Variants in NCOA1 observed in about 807,000 individuals in gnomAD.
NCOA1 encodes nuclear receptor coactivator 1.
In NCOA1, 35 loss-of-function variants were observed where a neutral mutation model predicts 150.9. The ratio of observed to expected loss-of-function variants is 0.23; its 90% CI spans 0.18 to 0.31. NCOA1 has a LOEUF of 0.31. Among genes scored for constraint, NCOA1 ranks in the 10% least tolerant of loss-of-function variants. The pLI, the probability that NCOA1 is intolerant of heterozygous loss-of-function variation, is 1.00. For missense variants in NCOA1, 1,491 were observed against 1,749.3 expected (o/e 0.85, Z 2.63); for synonymous variants, 590 against 630.0 (o/e 0.94, Z 0.95).
At chr2:24,700,666 A>G (rs1673115428) in intron 11 of NCOA1, among the ~76,000 whole-genome samples, 1 of 152,196 alleles carries the variant, frequency 6.6e-6, no homozygotes, top group Non-Finnish European at 1.5e-5. Context: ...AGATCCATGC[A>G]AGTGTGTATA....
At chr2:24,565,951 G>T (rs1487777778) in intron 2 of NCOA1, among the ~76,000 whole-genome samples, 1 of 152,206 alleles carries the variant, frequency 6.6e-6, no homozygotes, top group Non-Finnish European at 1.5e-5. Context: ...CAAAGAGGGT[G>T]TCACTGCCCT....
chr2:24,690,014 G>A (rs1672588995), intron 8 of NCOA1, among the ~76,000 whole-genome samples: 1 of 152,162 alleles, frequency 6.6e-6, no homozygotes, highest in Non-Finnish European at 1.5e-5. Context: ...TTTGAAAATA[G>A]TCATATATGT....
intron 1 of NCOA1, among the ~76,000 whole-genome samples, chr2:24,519,071 CTTA>C (rs960300903): frequency 2.0e-5 from 3 of 152,144 alleles, no homozygotes; most frequent in Non-Finnish European, 2.9e-5. Flanking sequence ...ATCTTCAAGT[CTTA>C]TTATAAAACT....
chr2:24,555,462 A>G (rs975046753), intron 1 of NCOA1, among the ~76,000 whole-genome samples: 25 of 152,268 alleles, frequency 1.6e-4, no homozygotes, highest in African/African-American at 4.8e-4. Flanking sequence ...GTAAATGTCC[A>G]GTTTGATCAA....
At chr2:24,541,416 A>G (rs1159379504) in intron 1 of NCOA1, among the ~76,000 whole-genome samples, 1 of 152,230 alleles carries the variant, frequency 6.6e-6, no homozygotes, top group Non-Finnish European at 1.5e-5. Context: ...AGAGATGACC[A>G]AAACAGGAAC....
chr2:24,574,791 C>G (rs867913483), intron 2 of NCOA1, among the ~76,000 whole-genome samples: 1 of 152,116 alleles, frequency 6.6e-6, no homozygotes, highest in Admixed American at 6.5e-5. Context: ...AGGTTCCCCC[C>G]CTTCCAATCT....
At chr2:24,720,979 C>T (rs887145477) in intron 14 of NCOA1, among the ~76,000 whole-genome samples, 1 of 152,182 alleles carries the variant, frequency 6.6e-6, no homozygotes, top group African/African-American at 2.4e-5. Context: ...TATCATCCTC[C>T]TTCACCACCT....
At chr2:24,732,462 A>G (rs1663066703) in intron 17 of NCOA1, among the ~76,000 whole-genome samples, 1 of 152,190 alleles carries the variant, frequency 6.6e-6, no homozygotes, top group South Asian at 2.1e-4. Context: ...CTTTTAAGCC[A>G]TAAGTTCTTA....
In NCOA1 at chr2:24,718,233, G is replaced by A. The variant is rs1038188641; in HGVS notation, c.2599+7122G>A. 2.6e-4 allele frequency among the ~76,000 whole-genome samples: 39 copies of A among 152,062 alleles called. 1 individual carries two copies. The highest frequency in any genetic ancestry group is 2.5e-3 in the Admixed American group (38 of 15,270). Reference sequence around the variant, plus strand: ...TAACATCTTTAATCATCAAGGAAATGCAAATTAAAACTACAGTGCAATACC... The same window carrying A: ...TAACATCTTTAATCATCAAGGAAATACAAATTAAAACTACAGTGCAATACC... On this transcript the variant is annotated intron_variant, in intron 14 of 22. Coordinates refer to ENST00000348332, the MANE Select transcript of NCOA1 (RefSeq NM_003743.5).
At chr2:24,638,415 C>G (rs1329076084) in intron 3 of NCOA1, among the ~76,000 whole-genome samples, 2 of 152,062 alleles carry the variant, frequency 1.3e-5, no homozygotes, top group Admixed American at 6.6e-5. Context: ...CATATCTTAA[C>G]TATTGTAAAT....
At position 24,637,028 on chromosome 2, in the gene NCOA1, C is replaced by T. The variant is rs963980881; in HGVS notation, c.-174-6938C>T. ...TCAGGATAATTATTAATAGCGTATC[C>T]CTCATCTCACACATTTATCATTTCT... is the stretch of plus-strand genomic sequence containing the variant. On this transcript the variant is annotated intron_variant, in intron 3 of 22. Transcript: ENST00000348332. Among the ~76,000 whole-genome samples, 13 of 149,352 alleles carry T rather than the reference C, an allele frequency of 8.7e-5. No individual in the cohort carries two copies. The East Asian group carries it at 2.4e-3, about 27-fold the overall frequency.
At position 24,716,695 on chromosome 2, in the gene NCOA1, C is replaced by G. The variant is rs544946466; in HGVS notation, c.2599+5584C>G. 3.9e-5 allele frequency among the ~76,000 whole-genome samples: 6 copies of G among 152,130 alleles called. No individual in the cohort carries two copies. In the South Asian group the frequency reaches 1.2e-3, roughly 31 times the overall value. The stretch of plus-strand genomic sequence containing the variant: ...AGAAAAAGATTGATACATTAGACTT[C>G]GTTAAATGTTAAATCTTCTGCTCTT... On this transcript the variant is annotated intron_variant, in intron 14 of 22. Transcript: ENST00000348332.
intron 3 of NCOA1, among the ~76,000 whole-genome samples, chr2:24,591,432 G>C (rs72805243): frequency 0.053 from 8,103 of 152,216 alleles, 298 homozygotes; most frequent in East Asian, 0.2. Context: ...CTTATAGATT[G>C]TTCTAAGACA....
intron 3 of NCOA1, among the ~76,000 whole-genome samples, chr2:24,617,645 C>T (rs184623928): frequency 6.6e-6 from 1 of 152,112 alleles, no homozygotes; most frequent in Non-Finnish European, 1.5e-5. Flanking sequence ...ATCAGCCTCT[C>T]CCTCAGACAT....
chr2:24,744,987 C>CTA (rs756176529), intron 19 of NCOA1, among the ~76,000 whole-genome samples: 4 of 152,094 alleles, frequency 2.6e-5, no homozygotes, highest in Non-Finnish European at 5.9e-5. Context: ...TTTGCCTTAG[C>CTA]CTCTTTCCAC....
intron 1 of NCOA1, among the ~76,000 whole-genome samples, chr2:24,513,014 C>T (rs1311375187): frequency 6.6e-6 from 1 of 152,166 alleles, no homozygotes; most frequent in Non-Finnish European, 1.5e-5. Context: ...CTTGCGAAAA[C>T]AGCCTTCTGT....
intron 19 of NCOA1, among the ~76,000 whole-genome samples, chr2:24,743,558 T>G (rs1386176108): frequency 6.6e-6 from 1 of 152,228 alleles, no homozygotes; most frequent in East Asian, 1.9e-4. Flanking sequence ...CATATTTTAA[T>G]TATATGGTTG....
chr2:24,579,324 G>C (rs970911017), intron 2 of NCOA1, among the ~76,000 whole-genome samples: 2 of 152,198 alleles, frequency 1.3e-5, no homozygotes, highest in Non-Finnish European at 2.9e-5. Flanking sequence ...AAGGCAGGAG[G>C]TTAGGCATAT....
At chr2:24,638,836 T>A (rs1214203086) in intron 3 of NCOA1, among the ~76,000 whole-genome samples, 2 of 152,186 alleles carry the variant, frequency 1.3e-5, no homozygotes, top group African/African-American at 2.4e-5. Flanking sequence ...TGCCCATTTT[T>A]AAAATCAGAT....
Sources: allele counts gnomAD v4.1 joint callset (sites outside exome capture counted in the v4.1 genomes callset), GRCh38; gene constraint gnomAD v4.1.1; transcripts MANE v1.5; gene names NCBI Gene and HGNC (gene_info 2026-07-23, HGNC 2026-07-21).